The following MME variants were observed in gnomAD, a reference collection of about 807,000 sequenced individuals.
MME encodes the protein neprilysin.
In MME, 98 loss-of-function variants were observed where a neutral mutation model predicts 113.2. The ratio of observed to expected loss-of-function variants is 0.87; its 90% CI spans 0.74 to 1.02. MME has a LOEUF of 1.02. Ranked by LOEUF, MME falls within the 50% of genes least tolerant of loss-of-function variation. The pLI, the probability that MME is intolerant of heterozygous loss-of-function variation, is 0.00. For synonymous variants in MME, 292 were observed against 300.6 expected (o/e 0.97, Z 0.30); for missense variants, 836 against 896.0 (o/e 0.93, Z 0.86).
At chr3:155,032,003 C>G (rs10513467) in intron 1 of MME, among the ~76,000 whole-genome samples, 14,756 of 152,192 alleles carry the variant, frequency 0.097, 1,189 homozygotes, top group African/African-American at 0.22. Flanking sequence ...ACTAATGTAG[C>G]TATTTCCAAG....
At chr3:155,176,422 A>G (rs1442639617) in intron 22 of MME, among the ~76,000 whole-genome samples, 1 of 152,240 alleles carries the variant, frequency 6.6e-6, no homozygotes, top group African/African-American at 2.4e-5. Flanking sequence ...ACAGTTTTGT[A>G]AAGCATGAAA....
At chr3:155,175,103 A>G (rs966411670) in intron 22 of MME, among the ~76,000 whole-genome samples, 25 of 152,012 alleles carry the variant, frequency 1.6e-4, no homozygotes, top group Non-Finnish European at 7.4e-5. Context: ...GCCTTAAAAC[A>G]ATATCCTGAA....
At chr3:155,166,637 GT>G (rs1476829947) in intron 17 of MME, among the ~76,000 whole-genome samples, 2 of 152,118 alleles carry the variant, frequency 1.3e-5, no homozygotes, top group Non-Finnish European at 2.9e-5. Context: ...CCACTCCAAG[GT>G]GAACTCTGTT....
intron 16 of MME, among the ~76,000 whole-genome samples, chr3:155,156,767 C>G (rs535633583): frequency 2.3e-4 from 35 of 152,246 alleles, no homozygotes; most frequent in Non-Finnish European, 4.4e-4. Context: ...TCGTATTGCA[C>G]TGCTGATTTC....
At chr3:155,174,910 T>C (rs1712373377) in intron 22 of MME, among the ~76,000 whole-genome samples, 2 of 152,032 alleles carry the variant, frequency 1.3e-5, no homozygotes, top group South Asian at 4.1e-4. Context: ...AAAACATAAG[T>C]CATAAAAACC....
chr3:155,119,658 A>C (rs1311511021), intron 8 of MME, among the ~76,000 whole-genome samples: 1 of 149,438 alleles, frequency 6.7e-6, no homozygotes. Context: ...ATGAGTGAGA[A>C]TATGCGGTGT....
chr3:155,105,812 T>C (rs1186838537), intron 3 of MME, among the ~76,000 whole-genome samples: 2 of 152,246 alleles, frequency 1.3e-5, no homozygotes, highest in African/African-American at 2.4e-5. Flanking sequence ...GCACTTGGCG[T>C]TTGACATATG....
chr3:155,135,864 A>T (rs777909996), intron 8 of MME, among the ~76,000 whole-genome samples: 5 of 151,922 alleles, frequency 3.3e-5, no homozygotes, highest in Non-Finnish European at 7.4e-5. Flanking sequence ...AGTCAGATAT[A>T]CTCTTAGATA....
intron 1 of MME, among the ~76,000 whole-genome samples, chr3:155,041,111 A>G (rs1265122575): frequency 2.0e-5 from 3 of 152,112 alleles, no homozygotes; most frequent in Admixed American, 1.3e-4. Flanking sequence ...CTCACCCTCC[A>G]CATCTAGTTC....
intron 1 of MME, among the ~76,000 whole-genome samples, chr3:155,066,269 C>G (rs1270085578): frequency 2.0e-5 from 3 of 152,146 alleles, no homozygotes; most frequent in Non-Finnish European, 4.4e-5. Context: ...AAAGACTATA[C>G]AGTAAAAGGA....
chr3:155,044,924 T>C (rs1424034958), intron 1 of MME, among the ~76,000 whole-genome samples: 1 of 151,658 alleles, frequency 6.6e-6, no homozygotes, highest in Non-Finnish European at 1.5e-5. Flanking sequence ...GTAAGTGAGC[T>C]TGGTCTGCAA....
At chr3:155,043,020 C>T (rs1412591296) in intron 1 of MME, among the ~76,000 whole-genome samples, 1 of 142,314 alleles carries the variant, frequency 7.0e-6, no homozygotes, top group African/African-American at 2.6e-5. Context: ...CCAAGATACT[C>T]ACATTTTTTT....
intron 1 of MME, among the ~76,000 whole-genome samples, chr3:155,071,433 TAGTG>T (rs1714551275): frequency 6.6e-6 from 1 of 152,220 alleles, no homozygotes; most frequent in Non-Finnish European, 1.5e-5. Flanking sequence ...AAAAACTGCT[TAGTG>T]AGTGACTGTT....
intron 16 of MME, among the ~76,000 whole-genome samples, chr3:155,153,986 CT>C (rs974989796): frequency 6.6e-6 from 1 of 152,094 alleles, no homozygotes; most frequent in African/African-American, 2.4e-5. Context: ...TAGAACAGCA[CT>C]TTTTTCAAAC....
At chr3:155,119,686 C>T (rs1247389266) in intron 8 of MME, among the ~76,000 whole-genome samples, 10 of 150,540 alleles carry the variant, frequency 6.6e-5, no homozygotes, top group East Asian at 3.9e-4. Flanking sequence ...TTTGTTCTTG[C>T]GATAGTTTAC....
chr3:155,109,794 G>A (rs1015179626), intron 3 of MME, among the ~76,000 whole-genome samples: 1 of 152,208 alleles, frequency 6.6e-6, no homozygotes, highest in Non-Finnish European at 1.5e-5. Context: ...TGTTTAGCCA[G>A]GGTTGACAAG....
At chr3:155,064,367 T>C (rs1020700185) in intron 1 of MME, among the ~76,000 whole-genome samples, 4 of 152,094 alleles carry the variant, frequency 2.6e-5, no homozygotes, top group Non-Finnish European at 2.9e-5. Context: ...ATTTGCAAAA[T>C]ATTCAATAAT....
intron 3 of MME, among the ~76,000 whole-genome samples, chr3:155,093,703 A>G (rs750112427): frequency 1.3e-5 from 2 of 151,984 alleles, no homozygotes; most frequent in Non-Finnish European, 2.9e-5. Context: ...TAAAAATACA[A>G]AAACTATCTG....
chr3:155,054,336 G>C (rs1035224641), intron 1 of MME, among the ~76,000 whole-genome samples: 2 of 151,878 alleles, frequency 1.3e-5, no homozygotes, highest in Non-Finnish European at 2.9e-5. Context: ...TTTGCTCCTA[G>C]ATAATTTTGG....
Sources: gnomAD v4.1 joint callset for allele counts (sites outside exome capture counted in the v4.1 genomes callset) on GRCh38, gnomAD v4.1.1 for gene constraint, MANE v1.5 for transcripts, NCBI Gene and HGNC (gene_info 2026-07-23, HGNC 2026-07-21) for gene names.